Variants in PELI3 observed in about 807,000 individuals in gnomAD.
PELI3 encodes the protein pellino E3 ubiquitin protein ligase family member 3.
PELI3 carries 19 observed loss-of-function variants against 35.5 expected under a neutral mutation model. The ratio of observed to expected loss-of-function variants is 0.54; its 90% CI spans 0.37 to 0.79. The LOEUF (loss-of-function observed/expected upper bound fraction) is 0.79, where lower values mean the gene tolerates loss of function less well. PELI3 is among the 30% of genes least tolerant of loss of function. The probability of loss-of-function intolerance (pLI) is 0.00; values close to 1 mark genes in which losing one functional copy is unlikely to be tolerated. For missense variants in PELI3, 490 were observed against 661.2 expected, an observed-to-expected ratio of 0.74 and a Z score of 2.84; for synonymous variants, 262 against 279.2, an observed-to-expected ratio of 0.94 and a Z score of 0.62.
At chr11:66,470,964 T>C (rs1854694387) in intron 3 of PELI3, among the ~76,000 whole-genome samples, 1 of 152,136 alleles carries the variant, frequency 6.6e-6, no homozygotes, top group African/African-American at 2.4e-5. Context: ...ACCGCCCCAG[T>C]GCACAGCACC....
At chr11:66,468,039 C>T in intron 1 of PELI3, 89 bp from the exon 2 acceptor site, 1 of 1,465,076 alleles carries the variant, frequency 6.8e-7, no homozygotes, top group Non-Finnish European at 9.1e-7. Context: ...CTTGCCTTAG[C>T]CTAGGCGGCC....
In PELI3 at chr11:66,473,271, T is replaced by A. The variant is rs753365044; in HGVS notation, c.487T>A (p.Phe163Ile). The A allele has an allele frequency of 6.2e-7, 1 of 1,613,102 alleles. No individual in the cohort carries two copies. Among genetic ancestry groups the A allele is most frequent in the Non-Finnish European group, 8.5e-7 (1 of 1,179,696 alleles). ...CCGCTCCACAGAGAACATGATTGAC[T>A]TCGTGGTAACAGACACGTCCCCTGG... is the stretch of plus-strand genomic sequence containing the variant. ...IGRSTENMID[F>I]VVTDTSPGGG... The change falls in exon 6 of 8, where the codon TTC becomes ATC. Residue 163 changes from phenylalanine (F) to isoleucine (I), a missense_variant. Physicochemically the swap from Phe to Ile is conservative, Grantham distance 21. Transcript: ENST00000320740. This position sits in a 1 kb window ranked among gnomAD's most constrained non-coding sequence, Gnocchi z 5.8.
At chr11:66,468,056 C>T in intron 1 of PELI3, 72 bp from the exon 2 acceptor site, 1 of 1,495,920 alleles carries the variant, frequency 6.7e-7, no homozygotes, top group Non-Finnish European at 9.0e-7. Context: ...GGCCCTGCAG[C>T]AGGCTGCAGC....
intron 3 of PELI3, among the ~76,000 whole-genome samples, chr11:66,469,366 G>T (rs778623779): frequency 1.8e-4 from 28 of 152,062 alleles, no homozygotes; most frequent in Non-Finnish European, 3.2e-4. Flanking sequence ...AAATGAACCT[G>T]CGAGGTAGGT....
At chr11:66,474,955 T>C (rs1854853312) in intron 7 of PELI3, 1 of 152,274 alleles carries the variant, frequency 6.6e-6, no homozygotes, top group Admixed American at 6.5e-5. Context: ...GGTCTGGAAC[T>C]CCTGACCTCA....
chr11:66,470,175 T>C (rs1854671144), intron 3 of PELI3, among the ~76,000 whole-genome samples: 1 of 152,198 alleles, frequency 6.6e-6, no homozygotes, highest in Non-Finnish European at 1.5e-5. Flanking sequence ...CTCTTTGTCC[T>C]GTCACTTCCT....
At chr11:66,469,904 AT>A (rs745503265) in intron 3 of PELI3, among the ~76,000 whole-genome samples, 2 of 148,472 alleles carry the variant, frequency 1.3e-5, no homozygotes, top group Non-Finnish European at 3.0e-5. Flanking sequence ...GGTTCAAGTG[AT>A]TTTCCTGCCT....
chr11:66,468,051 T>G (rs1367593602), intron 1 of PELI3, 77 bp from the exon 2 acceptor site: 5 of 1,491,622 alleles, frequency 3.4e-6, no homozygotes. Flanking sequence ...TAGGCGGCCC[T>G]GCAGCAGGCT....
In PELI3 at chr11:66,472,606, G is replaced by C. The variant is rs914604114; in HGVS notation, c.456+136G>C. The C allele has an allele frequency of 2.3e-5, 16 of 687,074 alleles. No individual in the cohort carries two copies. In the African/African-American group the frequency reaches 2.7e-4, roughly 12 times the overall value. The allele number at this position is 687,074 out of a possible 1,614,324, so 42.6% of individuals were successfully genotyped here. A position where few individuals can be genotyped will look rare whatever the true frequency, so the allele number is the denominator to read the frequency against. On this transcript the variant is annotated intron_variant, in intron 5 of 7. Coordinates refer to ENST00000320740, the MANE Select transcript of PELI3 (RefSeq NM_145065.3). Reference sequence around the variant, plus strand: ...ACGAGGAAGCAGGATGTCCCGGTGTGGGCTGTTGACTGCAGAGTCACACAG... The same window carrying C: ...ACGAGGAAGCAGGATGTCCCGGTGTCGGCTGTTGACTGCAGAGTCACACAG...
At position 66,473,773 on chromosome 11, in the gene PELI3, A is replaced by T; in HGVS notation, c.688A>T (p.Met230Leu). The T allele has an allele frequency of 6.2e-7, 1 of 1,613,950 alleles. No homozygotes were observed. ...AAKWRTPDGL[M>L]DGLTTNGVLV... ...CAAATGGCGGACCCCAGATGGCCTG[A>T]TGGATGGACTGACCACCAATGGAGT... Residue 230 changes from methionine to leucine, a missense_variant, in exon 7 of 8, where the codon ATG becomes TTG. Physicochemically the swap from Met to Leu is conservative, Grantham distance 15. This residue lies in a region of PELI3 where 349 missense variants were observed against 484.8 expected (regional missense o/e 0.72). Transcript: ENST00000320740. This position sits in a 1 kb window ranked among gnomAD's most constrained non-coding sequence, Gnocchi z 5.8.
In PELI3 at chr11:66,476,382, G is replaced by C; in HGVS notation, c.*215G>C. On this transcript the variant is annotated 3_prime_UTR_variant, in exon 8 of 8. Coordinates refer to ENST00000320740, the MANE Select transcript of PELI3 (RefSeq NM_145065.3). ...CATGCTGATGGGGCCTTCAGCACCA[G>C]CTCTGTCCTGGGTCGATGGAGGAAA... The C allele has an allele frequency of 1.7e-6, 1 of 604,682 alleles. No homozygotes were observed. The highest frequency in any genetic ancestry group is 2.9e-6 in the Non-Finnish European group (1 of 344,596). The allele number at this position is 604,682 out of a possible 1,614,324, so 37.5% of individuals were successfully genotyped here. A position where few individuals can be genotyped will look rare whatever the true frequency, so the allele number is the denominator to read the frequency against.
chr11:66,470,788 C>T (rs1384981941), intron 3 of PELI3, among the ~76,000 whole-genome samples: 1 of 152,192 alleles, frequency 6.6e-6, no homozygotes, highest in Non-Finnish European at 1.5e-5. Flanking sequence ...TAGAGGTGTT[C>T]CCTCTCCCAG....
rs763754663 is a variant in PELI3, at chr11:66,468,217, C to T, written c.89C>T (p.Ser30Phe). The change falls in exon 2 of 8, where the codon TCT becomes TTT. Residue 30 changes from serine to phenylalanine, a missense_variant. Around this residue, in one of 3 missense-constraint regions of PELI3, gnomAD observed 137 missense variants for 157.1 expected, o/e 0.87. Transcript: ENST00000320740. ...AACAAGGGCTCTTGCGTTCTCTCCT[C>T]TCCCGGTGAAGATGCGCAGCCAGGC... ...RGNKGSCVLS[S>F]PGEDAQPGEE... 4 of 1,602,564 alleles carry T rather than the reference C, an allele frequency of 2.5e-6. No individual in the cohort carries two copies. In the African/African-American group the frequency reaches 5.4e-5, roughly 22 times the overall value.
chr11:66,474,961 C>T (rs1854853426), intron 7 of PELI3: 1 of 152,282 alleles, frequency 6.6e-6, no homozygotes, highest in Non-Finnish European at 1.5e-5. Context: ...GAACTCCTGA[C>T]CTCAGGTGAT....
chr11:66,466,623 T>C (rs1854533405), upstream of PELI3: 2 of 150,542 alleles, frequency 1.3e-5, no homozygotes, highest in Admixed American at 1.3e-4. Flanking sequence ...GGGGGAGGGG[T>C]CGTGTAGACT....
intron 7 of PELI3, chr11:66,474,228 TAAAA>T: frequency 1.7e-6 from 1 of 603,442 alleles, no homozygotes; most frequent in Non-Finnish European, 2.9e-6. Flanking sequence ...GCTGGCAGCT[TAAAA>T]AAAATCACAC....
rs1275667469 is a variant in PELI3 at position 66,466,911 on chromosome 11, G to A, written c.-118G>A. On this transcript the variant is annotated 5_prime_UTR_variant, in exon 1 of 8. In the 5' UTR this introduces an upstream ATG that the reference lacks. Coordinates refer to ENST00000320740, the MANE Select transcript of PELI3 (RefSeq NM_145065.3). ...CCCTCCCCCGGCCCTGGGTGTCCCC[G>A]TGACGAGGCAGCGCGGAGCCGCCGC... is the stretch of plus-strand genomic sequence containing the variant. The A allele has an allele frequency of 6.6e-6, 1 of 151,628 alleles. No individual in the cohort carries two copies. Among genetic ancestry groups the A allele is most frequent in the East Asian group, 1.9e-4 (1 of 5,158 alleles). 9.4% of individuals were successfully genotyped at this position (151,628 alleles called of 1,614,324 possible).
chr11:66,471,973 C>T (rs1207961233), intron 4 of PELI3, among the ~76,000 whole-genome samples: 2 of 152,076 alleles, frequency 1.3e-5, no homozygotes, highest in African/African-American at 4.8e-5. Flanking sequence ...CATTCTCCTG[C>T]CTCAGCCTCC....
intron 3 of PELI3, among the ~76,000 whole-genome samples, chr11:66,469,791 G>GTTTTTTTTTTTTTTT (rs34461329): frequency 2.4e-5 from 3 of 124,602 alleles, no homozygotes; most frequent in African/African-American, 3.1e-5. Flanking sequence ...CAGGGAATCT[G>GTTTTTTTTTTTTTTT]TTTTTTTTTT....
Sources: allele counts gnomAD v4.1 joint callset (sites outside exome capture counted in the v4.1 genomes callset), GRCh38; gene constraint gnomAD v4.1.1; regional missense constraint gnomAD v4.1.1; non-coding constraint Gnocchi (gnomAD v3.1); transcripts MANE v1.5; gene names NCBI Gene and HGNC (gene_info 2026-07-23, HGNC 2026-07-21).